The following SPG11 variants were observed in gnomAD, a reference collection of about 807,000 sequenced individuals.
SPG11 encodes the protein spatacsin.
Under a neutral mutation model 274.0 loss-of-function variants are expected in SPG11, and 222 were observed. The ratio of observed to expected loss-of-function variants is 0.81; its 90% CI spans 0.73 to 0.91. The LOEUF (loss-of-function observed/expected upper bound fraction) is 0.91. Among genes scored for constraint, SPG11 ranks in the 40% least tolerant of loss-of-function variants. The probability of loss-of-function intolerance (pLI) is 0.00; values close to 1 mark genes in which losing one functional copy is unlikely to be tolerated. For synonymous variants in SPG11, 1,144 were observed against 1,039.7 expected, an observed-to-expected ratio of 1.10 and a Z score of -1.93; for missense variants, 3,114 against 2,872.7, an observed-to-expected ratio of 1.08 and a Z score of -1.92.
Position 44,636,968 on chromosome 15 carries a change from A to C in SPG11, c.1603-3331T>G, listed in dbSNP as rs544452299. On this transcript the variant is annotated intron_variant, in intron 7 of 39. Coordinates refer to ENST00000261866, the MANE Select transcript of SPG11 (RefSeq NM_025137.4). The stretch of plus-strand genomic sequence containing the variant: ...AAAAAAAAAAAAAAACAAAAAAAAA[A>C]CACAAATGTGGTAAAATGTTAATAG... Among the ~76,000 whole-genome samples the C allele has an allele frequency of 7.6e-3, 1,120 of 146,716 alleles. 16 individuals carry two copies. The highest frequency in any genetic ancestry group is 0.012 in the Non-Finnish European group (802 of 66,788).
At chr15:44,581,347 C>T (rs547884764) in intron 30 of SPG11, among the ~76,000 whole-genome samples, 2 of 152,150 alleles carry the variant, frequency 1.3e-5, no homozygotes, top group Admixed American at 1.3e-4. Context: ...GCTGGGACTA[C>T]AGGCATGTGC....
intron 25 of SPG11, among the ~76,000 whole-genome samples, 183 bp downstream of exon 25, chr15:44,595,899 GA>G (rs2140971108): frequency 6.6e-6 from 1 of 152,342 alleles, no homozygotes; most frequent in African/African-American, 2.4e-5. Context: ...CAAGGCACAA[GA>G]AAGTACACCA....
chr15:44,640,729 C>T (rs2084414893), intron 7 of SPG11, among the ~76,000 whole-genome samples: 1 of 151,794 alleles, frequency 6.6e-6, no homozygotes, highest in Non-Finnish European at 1.5e-5. Flanking sequence ...AAAGACAGGA[C>T]TTTTTTATTT....
chr15:44,623,826 T>A (rs1012170145), intron 11 of SPG11, among the ~76,000 whole-genome samples: 4 of 152,068 alleles, frequency 2.6e-5, no homozygotes, highest in Admixed American at 6.6e-5. Flanking sequence ...AGTGGTGTGA[T>A]CTCAGGTCAC....
chr15:44,639,094 A>T (rs1200056135), intron 7 of SPG11, among the ~76,000 whole-genome samples: 4 of 152,196 alleles, frequency 2.6e-5, no homozygotes, highest in African/African-American at 9.6e-5. Flanking sequence ...ATAAAAATGT[A>T]ATAATGTGGT....
At position 44,592,266 on chromosome 15, in the gene SPG11, A is replaced by C. The variant is rs1273622526; in HGVS notation, c.4743+65T>G. ...AGACACCAAGTCTTTAAACAAAAAC[A>C]AAAAAGTCCATGCATGCCAACCAAG... On this transcript the variant is annotated intron_variant, in intron 27 of 39. Coordinates refer to ENST00000261866, the MANE Select transcript of SPG11 (RefSeq NM_025137.4). 22 of 1,001,250 alleles carry C rather than the reference A, an allele frequency of 2.2e-5. No homozygotes were observed. In the Admixed American group the frequency reaches 3.6e-4, roughly 16 times the overall value. 62.0% of individuals were successfully genotyped at this position (1,001,250 alleles called of 1,614,324 possible).
At chr15:44,650,956 C>T (rs542886002) in intron 6 of SPG11, among the ~76,000 whole-genome samples, 2 of 152,298 alleles carry the variant, frequency 1.3e-5, no homozygotes, top group East Asian at 3.9e-4. Flanking sequence ...CCATATTGGT[C>T]AGGCTGGTCT....
At chr15:44,575,846 T>A (rs1595831522) in intron 30 of SPG11, among the ~76,000 whole-genome samples, 1 of 152,190 alleles carries the variant, frequency 6.6e-6, no homozygotes, top group South Asian at 2.1e-4. Flanking sequence ...TGATTTTTTT[T>A]AAAACGAAGC....
intron 20 of SPG11, chr15:44,604,194 ATTCCT>A: frequency 2.4e-6 from 1 of 415,606 alleles, no homozygotes; most frequent in Admixed American, 2.9e-5. Flanking sequence ...TTGTGACCTG[ATTCCT>A]AAAAAAAAAA....
chr15:44,563,077 A>G lies in SPG11; in HGVS notation c.*44T>C. Reference sequence around the variant, plus strand: ...CATTCTTCTTCTCATCACATCTGTCAGAATCTGCTAACAGTACAAGAAAAC... The same window carrying G: ...CATTCTTCTTCTCATCACATCTGTCGGAATCTGCTAACAGTACAAGAAAAC... On this transcript the variant is annotated 3_prime_UTR_variant, in exon 40 of 40. Coordinates refer to ENST00000261866, the MANE Select transcript of SPG11 (RefSeq NM_025137.4). The G allele has an allele frequency of 6.3e-7, 1 of 1,584,076 alleles. No homozygotes were observed. The highest frequency in any genetic ancestry group is 8.7e-7 in the Non-Finnish European group (1 of 1,153,310).
intron 32 of SPG11, 130 bp from the exon 33 acceptor site, chr15:44,572,950 G>A: frequency 1.2e-6 from 1 of 839,408 alleles, no homozygotes; most frequent in Non-Finnish European, 2.0e-6. Flanking sequence ...GAAACCCTTG[G>A]CCTATTGGTC....
chr15:44,596,327 G>A lies in SPG11; in HGVS notation c.4190C>T (p.Pro1397Leu), dbSNP rs1595860601. ...EVKSLIQYFS[P>L]VIQDHLRLAF... Reference sequence around the variant, plus strand: ...CAGCCTTAAGTGGTCTTGAATGACTGGGCTGAAGTACTGGATAAGGGATTT... The same window carrying A: ...CAGCCTTAAGTGGTCTTGAATGACTAGGCTGAAGTACTGGATAAGGGATTT... Residue 1397 changes from proline to leucine, a missense_variant, in exon 25 of 40, where the codon CCA (proline) becomes CTA (leucine). Transcript: ENST00000261866. The A allele has an allele frequency of 6.2e-7, 1 of 1,614,158 alleles. No individual in the cohort carries two copies.
chr15:44,563,345 G>T (rs572582616), intron 39 of SPG11, 44 bp from the exon 40 acceptor site: 1 of 1,565,348 alleles, frequency 6.4e-7, no homozygotes, highest in Non-Finnish European at 8.8e-7. Context: ...ACTGTTTTTT[G>T]TTTTGTTTTG....
At chr15:44,653,532 A>G (rs2084847368) in intron 4 of SPG11, among the ~76,000 whole-genome samples, 1 of 152,180 alleles carries the variant, frequency 6.6e-6, no homozygotes, top group African/African-American at 2.4e-5. Context: ...TAGCTACTCT[A>G]TTGTGGATGG....
At chr15:44,604,018 A>G (rs1235690694) in intron 20 of SPG11, 3 of 295,728 alleles carry the variant, frequency 1.0e-5, no homozygotes, top group South Asian at 5.7e-5. Flanking sequence ...GTACTATTCA[A>G]TTGTCTCTTA....
At chr15:44,614,033 G>C (rs2083530096) in intron 16 of SPG11, among the ~76,000 whole-genome samples, 1 of 152,120 alleles carries the variant, frequency 6.6e-6, no homozygotes, top group African/African-American at 2.4e-5. Flanking sequence ...GACAGAGTGA[G>C]ACTGTCTCAA....
intron 10 of SPG11, among the ~76,000 whole-genome samples, chr15:44,627,992 C>T (rs2083952542): frequency 6.6e-6 from 1 of 152,180 alleles, no homozygotes; most frequent in Non-Finnish European, 1.5e-5. Flanking sequence ...TCTTAACAAC[C>T]TAGCAGCATC....
At chr15:44,571,568 A>ACTCACTGCGAG (rs1218447829) in intron 33 of SPG11, among the ~76,000 whole-genome samples, 2 of 131,308 alleles carry the variant, frequency 1.5e-5, no homozygotes, top group Non-Finnish European at 3.1e-5. Context: ...CGCCATCTCC[A>ACTCACTGCGAG]CTCACTGCGA....
At chr15:44,635,848 C>T (rs999300470) in intron 7 of SPG11, among the ~76,000 whole-genome samples, 4 of 150,890 alleles carry the variant, frequency 2.7e-5, no homozygotes, top group Non-Finnish European at 5.9e-5. Flanking sequence ...ACCTGGCAGG[C>T]GGATGTTACA....
Sources: gnomAD v4.1 joint callset for allele counts (sites outside exome capture counted in the v4.1 genomes callset) on GRCh38, gnomAD v4.1.1 for gene constraint, MANE v1.5 for transcripts, NCBI Gene and HGNC (gene_info 2026-07-23, HGNC 2026-07-21) for gene names.